Variants in GNAQ observed in about 807,000 individuals in gnomAD.
GNAQ encodes the protein G protein subunit alpha q, also known as guanine nucleotide-binding protein G(q) subunit alpha.
A neutral mutation model predicts 43.9 loss-of-function variants in GNAQ; 8 were observed. That is an observed-to-expected ratio of 0.18 (90% CI 0.11 to 0.33). The LOEUF (loss-of-function observed/expected upper bound fraction) is 0.33. GNAQ is among the 10% of genes least tolerant of loss of function. GNAQ has a pLI of 1.00. For synonymous variants in GNAQ, 155 were observed against 170.7 expected, an observed-to-expected ratio of 0.91 and a Z score of 0.71; for missense variants, 158 against 450.8, an observed-to-expected ratio of 0.35 and a Z score of 5.88.
intron 2 of GNAQ, among the ~76,000 whole-genome samples, chr9:77,857,019 T>A (rs975923319): frequency 6.6e-6 from 1 of 152,200 alleles, no homozygotes; most frequent in Non-Finnish European, 1.5e-5. Context: ...GCCCTCCTCT[T>A]CCTCAAGGAA....
At chr9:77,785,085 G>A (rs1328889899) in intron 5 of GNAQ, among the ~76,000 whole-genome samples, 1 of 152,176 alleles carries the variant, frequency 6.6e-6, no homozygotes, top group Non-Finnish European at 1.5e-5. Context: ...CCCAGAACTT[G>A]TGAATGCAAT....
At chr9:78,030,442 T>C in intron 1 of GNAQ, 1 of 458,844 alleles carries the variant, frequency 2.2e-6, no homozygotes, top group Non-Finnish European at 4.5e-6. Context: ...GTGACACATT[T>C]GGGCTTGCCC....
chr9:77,775,483 C>T (rs1826293304), intron 5 of GNAQ, among the ~76,000 whole-genome samples: 1 of 149,618 alleles, frequency 6.7e-6, no homozygotes, highest in Non-Finnish European at 1.5e-5. Flanking sequence ...GATATCAGCT[C>T]ACTGCAAGCT....
chr9:77,738,276 G>T (rs1825602788), intron 5 of GNAQ, among the ~76,000 whole-genome samples: 1 of 151,996 alleles, frequency 6.6e-6, no homozygotes, highest in South Asian at 2.1e-4. Flanking sequence ...GTGAGTTTCT[G>T]AAGTTCTGAT....
At chr9:77,918,666 T>A (rs1388492548) in intron 2 of GNAQ, among the ~76,000 whole-genome samples, 1 of 152,152 alleles carries the variant, frequency 6.6e-6, no homozygotes, top group East Asian at 1.9e-4. Flanking sequence ...GATTTCTACA[T>A]CCCATGCAAA....
At chr9:77,953,600 GCA>G (rs1823008153) in intron 1 of GNAQ, among the ~76,000 whole-genome samples, 2 of 152,152 alleles carry the variant, frequency 1.3e-5, no homozygotes, top group African/African-American at 2.4e-5. Context: ...CTCCCAAAAG[GCA>G]CTACCAGGCA....
chr9:77,779,680 C>CAAAAAAAAAAAAAAAA (rs58014303), intron 5 of GNAQ, among the ~76,000 whole-genome samples: 4 of 95,942 alleles, frequency 4.2e-5, no homozygotes, highest in African/African-American at 1.2e-4. Flanking sequence ...AAAAACAAAA[C>CAAAAAAAAAAAAAAAA]AAAAAAAAAA....
intron 1 of GNAQ, among the ~76,000 whole-genome samples, chr9:77,976,881 T>C (rs1404465569): frequency 6.6e-6 from 1 of 152,162 alleles, no homozygotes; most frequent in Non-Finnish European, 1.5e-5. Flanking sequence ...CAATGAGCCA[T>C]AAGGTTTTAG....
At chr9:77,810,183 C>G (rs1826894386) in intron 3 of GNAQ, among the ~76,000 whole-genome samples, 1 of 152,066 alleles carries the variant, frequency 6.6e-6, no homozygotes, top group African/African-American at 2.4e-5. Flanking sequence ...ATCTATCCAT[C>G]TATCTTATCT....
chr9:77,808,478 TGAA>T (rs1826863584), intron 3 of GNAQ, among the ~76,000 whole-genome samples: 1 of 151,626 alleles, frequency 6.6e-6, no homozygotes, highest in South Asian at 2.1e-4. Flanking sequence ...ATTGACACTC[TGAA>T]GAAGAGCAAA....
At chr9:77,949,080 C>A (rs1014525655) in intron 1 of GNAQ, among the ~76,000 whole-genome samples, 4 of 152,272 alleles carry the variant, frequency 2.6e-5, no homozygotes, top group African/African-American at 9.6e-5. Flanking sequence ...CTTAGGATAA[C>A]AGACAGAAAA....
chr9:77,908,692 A>G (rs374145955), intron 2 of GNAQ, among the ~76,000 whole-genome samples: 108 of 152,266 alleles, frequency 7.1e-4, no homozygotes, highest in Non-Finnish European at 1.4e-3. Flanking sequence ...CCAAAATCCT[A>G]TTGAAGTATT....
chr9:77,916,591 A>C (rs893995050), intron 2 of GNAQ, among the ~76,000 whole-genome samples: 12 of 152,296 alleles, frequency 7.9e-5, no homozygotes, highest in African/African-American at 2.4e-4. Flanking sequence ...TAGAGAGGAC[A>C]AAAGGCACTG....
chr9:77,980,189 A>G (rs1003073146), intron 1 of GNAQ, among the ~76,000 whole-genome samples: 1 of 152,144 alleles, frequency 6.6e-6, no homozygotes, highest in African/African-American at 2.4e-5. Flanking sequence ...AACAGGCACA[A>G]TACCACCTCC....
rs950569318 is a variant in GNAQ at position 77,733,924 on chromosome 9, ACATT to A, written c.736-5261_736-5258del. On this transcript the variant is annotated intron_variant, in intron 5 of 6. Coordinates refer to ENST00000286548, the MANE Select transcript of GNAQ (RefSeq NM_002072.5). ...GCTTGCAAGGAGGAAAAGAGAGCAA[ACATT>A]CCTCTGATTAAGGAGAAGGCTGGAT... is the stretch of plus-strand genomic sequence containing the variant. Among the ~76,000 whole-genome samples, 67 of 152,346 alleles carry A rather than the reference ACATT, an allele frequency of 4.4e-4. 1 individual carries two copies. The highest frequency in any genetic ancestry group is 1.6e-3 in the African/African-American group (66 of 41,576).
At position 77,797,650 on chromosome 9, in the gene GNAQ, T is replaced by C. The variant is rs771172208; in HGVS notation, c.477-2A>G. The C allele has an allele frequency of 6.2e-7, 1 of 1,612,916 alleles. No individual in the cohort carries two copies. The highest frequency in any genetic ancestry group is 8.5e-7 in the Non-Finnish European group (1 of 1,179,420). On this transcript the variant is annotated splice_acceptor_variant, in intron 3 of 6. Transcript: ENST00000286548. LOFTEE classifies it high-confidence loss of function. ...ACGCGGTCCAAGTCATTAAGATAGC[T>C]AGAGGAGGGAAGACACAATGAGAAT...
At chr9:78,003,076 C>T (rs1823662968) in intron 1 of GNAQ, among the ~76,000 whole-genome samples, 1 of 152,058 alleles carries the variant, frequency 6.6e-6, no homozygotes, top group East Asian at 1.9e-4. Context: ...ATAAAAAGAG[C>T]TTTGATAATG....
At position 77,718,575 on chromosome 9, in the gene GNAQ, GCTT is replaced by G. The variant is rs1825259378; in HGVS notation, c.*2745_*2747del. 2 of 232,580 alleles carry G rather than the reference GCTT, an allele frequency of 8.6e-6. No homozygotes were observed. Among genetic ancestry groups the G allele is most frequent in the South Asian group, 3.6e-4 (2 of 5,516 alleles). 14.4% of individuals were successfully genotyped at this position (232,580 alleles called of 1,614,324 possible). ...TAACAATCTTTCCCTGTTTTGCTCA[GCTT>G]CTTCAAGCTTTGAGATCAGGTTTAA... On this transcript the variant is annotated 3_prime_UTR_variant, in exon 7 of 7. Coordinates refer to ENST00000286548, the MANE Select transcript of GNAQ (RefSeq NM_002072.5).
intron 2 of GNAQ, among the ~76,000 whole-genome samples, chr9:77,891,023 A>T (rs578254791): frequency 6.6e-6 from 1 of 152,282 alleles, no homozygotes; most frequent in South Asian, 2.1e-4. Context: ...GAGTGTTTTA[A>T]ATTTCCATAA....
Sources: allele counts gnomAD v4.1 joint callset (sites outside exome capture counted in the v4.1 genomes callset), GRCh38; gene constraint gnomAD v4.1.1; transcripts MANE v1.5; gene names NCBI Gene and HGNC (gene_info 2026-07-23, HGNC 2026-07-21).